Variants in CTNND2 observed in about 807,000 individuals in gnomAD.
The protein encoded by CTNND2 is catenin delta 2.
In CTNND2, 22 loss-of-function variants were observed where a neutral mutation model predicts 144.4. That is an observed-to-expected ratio of 0.15 (90% CI 0.11 to 0.22). The LOEUF is 0.22. Ranked by LOEUF, CTNND2 falls within the 10% of genes least tolerant of loss-of-function variation. The probability of loss-of-function intolerance (pLI) is 1.00; values close to 1 mark genes in which losing one functional copy is unlikely to be tolerated. For missense variants in CTNND2, 1,353 were observed against 1,618.8 expected (o/e 0.84, Z 2.82); for synonymous variants, 751 against 695.6 (o/e 1.08, Z -1.25).
intron 3 of CTNND2, among the ~76,000 whole-genome samples, chr5:11,511,440 T>G (rs1005831589): frequency 3.3e-5 from 5 of 152,096 alleles, no homozygotes; most frequent in African/African-American, 1.2e-4. Context: ...GAGAAGGTTG[T>G]GTGTGGCCAA....
At chr5:11,090,084 A>T (rs1750607458) in intron 15 of CTNND2, among the ~76,000 whole-genome samples, 2 of 152,166 alleles carry the variant, frequency 1.3e-5, no homozygotes. Context: ...AGCCAAACAA[A>T]TCCCTTCATT....
intron 3 of CTNND2, among the ~76,000 whole-genome samples, chr5:11,537,438 GA>G (rs753573715): frequency 6.6e-6 from 1 of 151,816 alleles, no homozygotes; most frequent in East Asian, 1.9e-4. Flanking sequence ...CATCTTATTT[GA>G]AAAAAATATG....
intron 8 of CTNND2, among the ~76,000 whole-genome samples, chr5:11,352,298 C>T (rs987067106): frequency 9.2e-5 from 14 of 152,102 alleles, no homozygotes; most frequent in African/African-American, 3.4e-4. Flanking sequence ...AATGTGGGAT[C>T]ATGTGTATGA....
chr5:11,051,075 T>C (rs1292257255), intron 16 of CTNND2, among the ~76,000 whole-genome samples: 1 of 152,244 alleles, frequency 6.6e-6, no homozygotes, highest in African/African-American at 2.4e-5. Context: ...GGTTGTTTAT[T>C]TCCACAAAGC....
chr5:11,150,936 C>A (rs1375233326), intron 12 of CTNND2, among the ~76,000 whole-genome samples: 6 of 152,014 alleles, frequency 3.9e-5, no homozygotes, highest in Non-Finnish European at 8.8e-5. Context: ...TGAACTGCTG[C>A]CTTCTGAGTG....
At chr5:11,385,575 A>G (rs1759001292) in intron 6 of CTNND2, among the ~76,000 whole-genome samples, 1 of 152,196 alleles carries the variant, frequency 6.6e-6, no homozygotes, top group Admixed American at 6.5e-5. Flanking sequence ...CAGGGCAATC[A>G]TGATCTCCCT....
chr5:10,986,307 A>G (rs1737947101), intron 20 of CTNND2, among the ~76,000 whole-genome samples: 1 of 152,198 alleles, frequency 6.6e-6, no homozygotes, highest in Non-Finnish European at 1.5e-5. Context: ...GCACACCCAC[A>G]CCTGAAGGCC....
chr5:11,107,999 C>A (rs930716471), intron 14 of CTNND2, among the ~76,000 whole-genome samples: 3 of 152,104 alleles, frequency 2.0e-5, no homozygotes, highest in Admixed American at 1.3e-4. Flanking sequence ...GTCCTTTGCC[C>A]CAGAAAATTC....
intron 2 of CTNND2, among the ~76,000 whole-genome samples, chr5:11,594,092 T>A (rs1468392677): frequency 6.6e-6 from 1 of 152,174 alleles, no homozygotes; most frequent in Non-Finnish European, 1.5e-5. Context: ...AATGTGCACA[T>A]AAGCACACCA....
chr5:11,738,185 G>A (rs1012660106), intron 1 of CTNND2, among the ~76,000 whole-genome samples: 4 of 152,108 alleles, frequency 2.6e-5, no homozygotes, highest in African/African-American at 9.7e-5. Context: ...TCAGCATACC[G>A]GGACAAAGCA....
intron 2 of CTNND2, among the ~76,000 whole-genome samples, chr5:11,705,215 C>T (rs953601339): frequency 6.6e-6 from 1 of 152,130 alleles, no homozygotes. Flanking sequence ...AGCTTCTCTG[C>T]CCAAAGATGT....
intron 12 of CTNND2, among the ~76,000 whole-genome samples, chr5:11,124,147 A>C (rs1197622168): frequency 6.6e-6 from 1 of 152,194 alleles, no homozygotes; most frequent in Non-Finnish European, 1.5e-5. Context: ...CACCCCCAGT[A>C]ACAAGATCTC....
At chr5:11,314,783 C>A (rs1204808972) in intron 9 of CTNND2, among the ~76,000 whole-genome samples, 1 of 152,180 alleles carries the variant, frequency 6.6e-6, no homozygotes, top group African/African-American at 2.4e-5. Context: ...CTGGCTCCCA[C>A]TACCCCTGAA....
intron 1 of CTNND2, among the ~76,000 whole-genome samples, chr5:11,826,868 T>C (rs1793629828): frequency 6.6e-6 from 1 of 152,020 alleles, no homozygotes; most frequent in African/African-American, 2.4e-5. Flanking sequence ...ATAAAATCCA[T>C]AATTATTGTT....
At chr5:11,313,259 G>A (rs934030176) in intron 9 of CTNND2, among the ~76,000 whole-genome samples, 2 of 152,132 alleles carry the variant, frequency 1.3e-5, no homozygotes, top group Non-Finnish European at 2.9e-5. Context: ...AGGATTTGGG[G>A]CAGCAGCAGG....
chr5:11,900,147 A>G (rs567773691), intron 1 of CTNND2, among the ~76,000 whole-genome samples: 2 of 152,338 alleles, frequency 1.3e-5, no homozygotes, highest in African/African-American at 4.8e-5. Flanking sequence ...ATATTTATCT[A>G]AGATAGAAAG....
At chr5:11,120,116 C>T (rs1753937680) in intron 12 of CTNND2, among the ~76,000 whole-genome samples, 1 of 152,140 alleles carries the variant, frequency 6.6e-6, no homozygotes, top group Non-Finnish European at 1.5e-5. Flanking sequence ...TATTAATTGG[C>T]TACTATATTA....
At chr5:11,577,333 T>C (rs1405409365) in intron 2 of CTNND2, among the ~76,000 whole-genome samples, 1 of 152,232 alleles carries the variant, frequency 6.6e-6, no homozygotes, top group Non-Finnish European at 1.5e-5. Flanking sequence ...TGGATCCTGT[T>C]GACAGTTCTA....
chr5:11,107,432 G>A (rs1001539485), intron 14 of CTNND2, among the ~76,000 whole-genome samples: 5 of 152,124 alleles, frequency 3.3e-5, no homozygotes, highest in Non-Finnish European at 7.4e-5. Flanking sequence ...AAGAGCATCC[G>A]AATGACATAG....
Sources: gnomAD v4.1 joint callset for allele counts (sites outside exome capture counted in the v4.1 genomes callset) on GRCh38, gnomAD v4.1.1 for gene constraint, MANE v1.5 for transcripts, NCBI Gene and HGNC (gene_info 2026-07-23, HGNC 2026-07-21) for gene names.